The following FANCI variants were observed in gnomAD, a reference collection of about 807,000 sequenced individuals.
FANCI encodes the protein Fanconi anemia group I protein.
In FANCI, 156 loss-of-function variants were observed where a neutral mutation model predicts 176.1. That is an observed-to-expected ratio of 0.89 (90% CI 0.78 to 1.01). The LOEUF is 1.01. Ranked by LOEUF, FANCI falls within the 50% of genes least tolerant of loss-of-function variation. The pLI, the probability that FANCI is intolerant of heterozygous loss-of-function variation, is 0.00. For missense variants in FANCI, 1,678 were observed against 1,534.1 expected (o/e 1.09, Z -1.57); for synonymous variants, 613 against 541.7 (o/e 1.13, Z -1.83).
At position 89,311,461 on chromosome 15, in the gene FANCI, C is replaced by T. The variant is rs554757452; in HGVS notation, c.3652-1443C>T. Among the ~76,000 whole-genome samples, 254 of 152,212 alleles carry T rather than the reference C, an allele frequency of 1.7e-3. 1 individual carries two copies. The highest frequency in any genetic ancestry group is 2.8e-3 in the Non-Finnish European group (190 of 68,008). On this transcript the variant is annotated intron_variant, in intron 34 of 37. Coordinates refer to ENST00000310775, the MANE Select transcript of FANCI (RefSeq NM_001113378.2). The stretch of plus-strand genomic sequence containing the variant: ...TTCTGGCTCTAATTTTAGTCCTGCC[C>T]GCCCGGATCAGTTGGAATGGGCAGG...
intron 18 of FANCI, among the ~76,000 whole-genome samples, chr15:89,286,655 T>G (rs1273117202): frequency 6.6e-6 from 1 of 152,214 alleles, no homozygotes; most frequent in Non-Finnish European, 1.5e-5. Context: ...CTTTTCCATT[T>G]ATAAAGCACA....
At chr15:89,314,825 CA>C (rs2055142781) in intron 36 of FANCI, 118 bp downstream of exon 36, 1 of 574,274 alleles carries the variant, frequency 1.7e-6, no homozygotes, top group Non-Finnish European at 3.0e-6. Flanking sequence ...GTGTGTTTGC[CA>C]TCCCCCCTCT....
intron 27 of FANCI, among the ~76,000 whole-genome samples, chr15:89,302,777 G>A (rs1003382526): frequency 2.6e-5 from 4 of 152,116 alleles, no homozygotes; most frequent in African/African-American, 9.7e-5. Context: ...GTTTCACCGT[G>A]TTAGCCAGGA....
chr15:89,284,181 T>G (rs1596290404), intron 17 of FANCI, among the ~76,000 whole-genome samples: 2 of 152,368 alleles, frequency 1.3e-5, no homozygotes, highest in Middle Eastern at 3.4e-3. Flanking sequence ...TATCCCATTT[T>G]CTTACGTCAT....
chr15:89,253,919 A>T (rs201443388), intron 2 of FANCI, among the ~76,000 whole-genome samples: 5 of 101,920 alleles, frequency 4.9e-5, no homozygotes, highest in South Asian at 6.1e-4. Context: ...GAAAAATAAA[A>T]TAAAAGATAG....
chr15:89,314,593 T>TTATG lies in FANCI; in HGVS notation c.3721-17_3721-14dup, dbSNP rs752567425. ...AACCATTGAACCTGAAATTTAAGTC[T>TTATG]TATGTTCTTTGCCCTTAGGCCAGAG... On this transcript the variant is annotated intron_variant, in intron 35 of 37. Transcript: ENST00000310775. 1 of 1,589,012 alleles carries TTATG rather than the reference T, an allele frequency of 6.3e-7. No individual in the cohort carries two copies. Among genetic ancestry groups the TTATG allele is most frequent in the East Asian group, 2.2e-5 (1 of 44,766 alleles).
Position 89,316,805 on chromosome 15 carries a change from C to G in FANCI, c.*346C>G, listed in dbSNP as rs770992948. 1.9e-6 allele frequency: 3 copies of G among 1,613,802 alleles called. No homozygotes were observed. Among genetic ancestry groups the G allele is most frequent in the South Asian group, 1.1e-5 (1 of 91,074 alleles). ...AGGAGCCTTTGGTGAGTTCAATTAT[C>G]TGGTAAATATCCAGCGCTTCACCTG... On this transcript the variant is annotated 3_prime_UTR_variant, in exon 38 of 38. Transcript: ENST00000310775.
chr15:89,264,152 G>A (rs751393081), intron 8 of FANCI, 126 bp downstream of exon 8: 72 of 1,102,068 alleles, frequency 6.5e-5, no homozygotes, highest in Non-Finnish European at 8.4e-5. Context: ...TTCATTTCAC[G>A]TGAGCAAACA....
intron 26 of FANCI, 67 bp from the exon 27 acceptor site, chr15:89,301,259 A>C (rs2054515310): frequency 2.0e-6 from 2 of 994,282 alleles, no homozygotes; most frequent in South Asian, 1.3e-5. Flanking sequence ...CTCTGACTAG[A>C]TGCCTCTTCT....
chr15:89,250,077 GAC>G (rs1239385428), intron 2 of FANCI, among the ~76,000 whole-genome samples: 9 of 152,114 alleles, frequency 5.9e-5, no homozygotes, highest in African/African-American at 2.2e-4. Flanking sequence ...AAAAAGCAAA[GAC>G]ACTTTTACTT....
intron 34 of FANCI, among the ~76,000 whole-genome samples, chr15:89,310,539 T>A (rs1458979972): frequency 6.6e-6 from 1 of 152,262 alleles, no homozygotes; most frequent in East Asian, 1.9e-4. Flanking sequence ...CATATTTGAC[T>A]TAAAGCCTTA....
intron 35 of FANCI, among the ~76,000 whole-genome samples, chr15:89,314,088 C>G (rs1409700145): frequency 6.8e-6 from 1 of 146,056 alleles, no homozygotes; most frequent in Non-Finnish European, 1.5e-5. Context: ...AATGTAGGAC[C>G]TACAAATTAC....
At chr15:89,269,524 C>G (rs1034064958) in intron 10 of FANCI, among the ~76,000 whole-genome samples, 1 of 151,892 alleles carries the variant, frequency 6.6e-6, no homozygotes, top group Non-Finnish European at 1.5e-5. Context: ...GTGTAATGTC[C>G]CACATTTTTG....
Position 89,293,903 on chromosome 15 carries a change from A to G in FANCI, c.2362A>G (p.Lys788Glu). 1 of 1,614,138 alleles carries G rather than the reference A, an allele frequency of 6.2e-7. No homozygotes were observed. Among genetic ancestry groups the G allele is most frequent in the East Asian group, 2.2e-5 (1 of 44,872 alleles). ...AAAACTCTCTGACATTCTTAATGAA[A>G]AAGCGGGTAAAGCCAAAACTAAAAT... ...YKKLSDILNE[K>E]AGKAKTKMAN... The change falls in exon 23 of 38, where the codon AAA becomes GAA. Residue 788 changes from lysine (K) to glutamate (E), a missense_variant. Coordinates refer to ENST00000310775, the MANE Select transcript of FANCI (RefSeq NM_001113378.2).
At position 89,266,885 on chromosome 15, in the gene FANCI, G is replaced by T. The variant is rs947274744; in HGVS notation, c.756-1514G>T. Among the ~76,000 whole-genome samples the T allele has an allele frequency of 2.6e-5, 4 of 151,900 alleles. No homozygotes were observed. The East Asian group carries it at 7.7e-4, about 29-fold the overall frequency. On this transcript the variant is annotated intron_variant, in intron 9 of 37. Transcript: ENST00000310775. Reference sequence around the variant, plus strand: ...ATTAGCTCACTTTTGACCACACTAGGTTTGAGATATATATTAGGGTCCCAT... The same window carrying T: ...ATTAGCTCACTTTTGACCACACTAGTTTTGAGATATATATTAGGGTCCCAT...
intron 10 of FANCI, among the ~76,000 whole-genome samples, chr15:89,271,996 G>A (rs909500110): frequency 3.3e-5 from 5 of 152,142 alleles, no homozygotes; most frequent in Non-Finnish European, 7.4e-5. Flanking sequence ...GCTTATATGA[G>A]AAATTTATGT....
intron 32 of FANCI, among the ~76,000 whole-genome samples, chr15:89,306,887 A>G (rs967887880): frequency 6.6e-6 from 1 of 152,190 alleles, no homozygotes; most frequent in Non-Finnish European, 1.5e-5. Flanking sequence ...TGGACACTTA[A>G]AGAGATGTTT....
chr15:89,261,281 C>A (rs934448480), intron 4 of FANCI, among the ~76,000 whole-genome samples: 12 of 151,834 alleles, frequency 7.9e-5, no homozygotes, highest in African/African-American at 2.9e-4. Flanking sequence ...AAAAAAAAAG[C>A]AGATGAATGG....
chr15:89,314,842 C>A (rs1226970963), intron 36 of FANCI, 135 bp downstream of exon 36: 9 of 549,898 alleles, frequency 1.6e-5, no homozygotes, highest in Non-Finnish European at 2.9e-5. Flanking sequence ...CCTCTCCCCC[C>A]CCCCCCCTTT....
Sources: allele counts gnomAD v4.1 joint callset (sites outside exome capture counted in the v4.1 genomes callset), GRCh38; gene constraint gnomAD v4.1.1; transcripts MANE v1.5; gene names NCBI Gene and HGNC (gene_info 2026-07-23, HGNC 2026-07-21).